ENTPD1: variants seen among roughly 807,000 people sequenced by gnomAD.
ENTPD1 encodes ectonucleoside triphosphate diphosphohydrolase 1.
A neutral mutation model predicts 57.0 loss-of-function variants in ENTPD1; 33 were observed. That is an observed-to-expected ratio of 0.58 (90% CI 0.44 to 0.77). The LOEUF is 0.77. Among genes scored for constraint, ENTPD1 ranks in the 30% least tolerant of loss-of-function variants. The pLI is 0.00. For missense variants in ENTPD1, 501 were observed against 603.4 expected (o/e 0.83, Z 1.78); for synonymous variants, 202 against 218.8 (o/e 0.92, Z 0.68).
At chr10:95,731,702 GAGCCCCAA>G (rs982383915) in intron 1 of ENTPD1, among the ~76,000 whole-genome samples, 1 of 150,688 alleles carries the variant, frequency 6.6e-6, no homozygotes, top group African/African-American at 2.4e-5. Flanking sequence ...TATCAAGACA[GAGCCCCAA>G]ATGCTGAGTG....
intron 6 of ENTPD1, 27 bp from the exon 7 acceptor site, chr10:95,847,419 A>G: frequency 1.9e-6 from 3 of 1,614,102 alleles, no homozygotes. Context: ...TTCACACATG[A>G]TGCTTTCAAG....
chr10:95,848,109 C>G (rs1471565649), intron 7 of ENTPD1, among the ~76,000 whole-genome samples: 4 of 152,130 alleles, frequency 2.6e-5, no homozygotes, highest in Admixed American at 1.3e-4. Flanking sequence ...CCTTGTGGGA[C>G]AGACCTCCTA....
chr10:95,722,074 A>G (rs925905146), intron 1 of ENTPD1, among the ~76,000 whole-genome samples: 4 of 152,150 alleles, frequency 2.6e-5, no homozygotes, highest in African/African-American at 9.7e-5. Flanking sequence ...TGTAGGTAAC[A>G]TTTTGAGTCA....
intron 5 of ENTPD1, 114 bp downstream of exon 5, chr10:95,844,749 ATGGATGGATGAC>A (rs906708461): frequency 8.7e-6 from 11 of 1,261,104 alleles, no homozygotes; most frequent in Non-Finnish European, 1.3e-5. Context: ...AGATGGATGG[ATGGATGGATGAC>A]TGGATGAATG....
rs1017942311 is a variant in ENTPD1, at chr10:95,860,602, A to G, written c.1188+20A>G. On this transcript the variant is annotated intron_variant, in intron 8 of 9. Coordinates refer to ENST00000371205, the MANE Select transcript of ENTPD1 (RefSeq NM_001776.6). ...GAGGAGGTAAGTGACTAGGCACAGC[A>G]GCTCTAACAGCATGAGTGCCCTGTG... 6.3e-7 allele frequency: 1 copy of G among 1,594,578 alleles called. No homozygotes were observed. The highest frequency in any genetic ancestry group is 8.6e-7 in the Non-Finnish European group (1 of 1,162,882).
chr10:95,758,612 C>T (rs1369241254), intron 1 of ENTPD1, among the ~76,000 whole-genome samples: 1 of 152,168 alleles, frequency 6.6e-6, no homozygotes, highest in Middle Eastern at 3.2e-3. Context: ...TCTCTCCCTT[C>T]CAATTATATT....
At chr10:95,731,781 CTTTTT>C (rs34841311) in intron 1 of ENTPD1, among the ~76,000 whole-genome samples, 1 of 79,178 alleles carries the variant, frequency 1.3e-5, no homozygotes, top group African/African-American at 5.4e-5. Flanking sequence ...AGTGGACATC[CTTTTT>C]TTTTTTTTTT....
At chr10:95,767,314 C>CAAA (rs1160221654) in intron 1 of ENTPD1, among the ~76,000 whole-genome samples, 11 of 68,122 alleles carry the variant, frequency 1.6e-4, no homozygotes, top group Admixed American at 5.0e-4. Context: ...GACTCCATCT[C>CAAA]AAAAAAAAAA....
intron 7 of ENTPD1, among the ~76,000 whole-genome samples, chr10:95,851,255 T>C (rs1404867831): frequency 6.6e-6 from 1 of 151,822 alleles, no homozygotes; most frequent in East Asian, 1.9e-4. Context: ...TATTTATTTA[T>C]ATTTATATTT....
intron 7 of ENTPD1, among the ~76,000 whole-genome samples, chr10:95,855,030 A>G (rs2098452030): frequency 6.6e-6 from 1 of 152,138 alleles, no homozygotes; most frequent in Non-Finnish European, 1.5e-5. Flanking sequence ...TAATGTTGAC[A>G]GTGGGGTGTT....
intron 1 of ENTPD1, among the ~76,000 whole-genome samples, chr10:95,747,053 G>A (rs1376515405): frequency 6.6e-6 from 1 of 152,124 alleles, no homozygotes; most frequent in African/African-American, 2.4e-5. Context: ...TTGCTGGTAG[G>A]AAAATAATTT....
At chr10:95,710,695 G>A (rs551815041), upstream of ENTPD1, among the ~76,000 whole-genome samples, 1 of 152,284 alleles carries the variant, frequency 6.6e-6, no homozygotes, top group South Asian at 2.1e-4. Context: ...AACAAGGGAA[G>A]AGGGGTTTCT....
intron 1 of ENTPD1, among the ~76,000 whole-genome samples, chr10:95,822,575 G>A (rs1485855957): frequency 6.6e-6 from 1 of 152,242 alleles, no homozygotes; most frequent in Non-Finnish European, 1.5e-5. Context: ...GACTACAGGT[G>A]TGAGCTGCCG....
chr10:95,776,776 A>G (rs1394768737), intron 1 of ENTPD1, among the ~76,000 whole-genome samples: 7 of 152,006 alleles, frequency 4.6e-5, no homozygotes, highest in Non-Finnish European at 1.0e-4. Context: ...ACACCAATCA[A>G]ATGTAGATTT....
At chr10:95,847,758 A>T in intron 7 of ENTPD1, 52 bp downstream of exon 7, 1 of 1,611,336 alleles carries the variant, frequency 6.2e-7, no homozygotes, top group Non-Finnish European at 8.5e-7. Flanking sequence ...AAGTTATAGA[A>T]TATGTGCCTA....
intron 1 of ENTPD1, among the ~76,000 whole-genome samples, chr10:95,749,191 T>G (rs2098009198): frequency 6.6e-6 from 1 of 152,226 alleles, no homozygotes; most frequent in Non-Finnish European, 1.5e-5. Flanking sequence ...CCATCAATGA[T>G]TTTGTTGTCC....
At chr10:95,825,897 C>T (rs1477333026) in intron 2 of ENTPD1, among the ~76,000 whole-genome samples, 3 of 152,186 alleles carry the variant, frequency 2.0e-5, no homozygotes, top group African/African-American at 7.2e-5. Context: ...GTTTTGAGAG[C>T]ACACAATGAC....
chr10:95,744,106 G>A (rs913014300), intron 1 of ENTPD1, among the ~76,000 whole-genome samples: 2 of 146,702 alleles, frequency 1.4e-5, no homozygotes, highest in Non-Finnish European at 3.0e-5. Flanking sequence ...TCATACTGAT[G>A]TCTCTAACGT....
chr10:95,746,735 A>G (rs1160603552), intron 1 of ENTPD1, among the ~76,000 whole-genome samples: 3 of 152,238 alleles, frequency 2.0e-5, no homozygotes, highest in African/African-American at 4.8e-5. Flanking sequence ...CCTGCACCAC[A>G]GTGTCCTTTT....
Sources: gnomAD v4.1 joint callset for allele counts (sites outside exome capture counted in the v4.1 genomes callset) on GRCh38, gnomAD v4.1.1 for gene constraint, MANE v1.5 for transcripts, NCBI Gene and HGNC (gene_info 2026-07-23, HGNC 2026-07-21) for gene names.